Variants in ALDH1A2 observed in about 807,000 individuals in gnomAD.
The protein encoded by ALDH1A2 is aldehyde dehydrogenase 1 family member A2.
A neutral mutation model predicts 60.3 loss-of-function variants in ALDH1A2; 27 were observed. The ratio of observed to expected loss-of-function variants is 0.45; its 90% CI spans 0.33 to 0.62. The LOEUF is 0.62. ALDH1A2 is among the 20% of genes least tolerant of loss of function. The probability of loss-of-function intolerance (pLI) is 0.02; values close to 1 mark genes in which losing one functional copy is unlikely to be tolerated. For missense variants in ALDH1A2, 581 were observed against 643.8 expected (o/e 0.90, Z 1.06); for synonymous variants, 289 against 232.4 (o/e 1.24, Z -2.21).
intron 1 of ALDH1A2, among the ~76,000 whole-genome samples, chr15:58,022,662 T>C (rs915250828): frequency 6.6e-6 from 1 of 152,184 alleles, no homozygotes; most frequent in South Asian, 2.1e-4. Flanking sequence ...CTGGCCTACC[T>C]GGCATCCCAG....
intron 7 of ALDH1A2, among the ~76,000 whole-genome samples, chr15:57,982,131 T>C (rs1043142511): frequency 4.6e-5 from 7 of 152,056 alleles, no homozygotes; most frequent in Non-Finnish European, 5.9e-5. Flanking sequence ...CTCAACACTA[T>C]TGCATTGTAG....
At chr15:57,964,332 C>A in intron 8 of ALDH1A2, 1 of 465,214 alleles carries the variant, frequency 2.1e-6, no homozygotes, top group Non-Finnish European at 3.9e-6. Context: ...AGTCTCAAAC[C>A]CCTATATACC....
rs529347185 is a variant in ALDH1A2 at position 57,980,272 on chromosome 15, A to G, written c.798+12433T>C. ...TAGTCTTGACCTTCCCTGCTAGGGCAAAAAGAGACACCTGCATGTGCCTCA... is the reference window on the plus strand; with the variant it reads ...TAGTCTTGACCTTCCCTGCTAGGGCGAAAAGAGACACCTGCATGTGCCTCA... On this transcript the variant is annotated intron_variant, in intron 7 of 12. Transcript: ENST00000249750. 249 of 373,770 alleles carry G rather than the reference A, an allele frequency of 6.7e-4. 1 individual carries two copies. The highest frequency in any genetic ancestry group is 1.1e-3 in the Non-Finnish European group (198 of 184,566). The allele number at this position is 373,770 out of a possible 1,614,324, so 23.2% of individuals were successfully genotyped here.
chr15:58,049,641 G>T (rs74018833), intron 1 of ALDH1A2, among the ~76,000 whole-genome samples: 370 of 151,896 alleles, frequency 2.4e-3, no homozygotes, highest in African/African-American at 8.5e-3. Context: ...GATGGTGAAG[G>T]CCATCCAACA....
intron 11 of ALDH1A2, 123 bp downstream of exon 11, chr15:57,961,014 C>T: frequency 3.6e-6 from 5 of 1,388,554 alleles, no homozygotes; most frequent in Non-Finnish European, 5.0e-6. Flanking sequence ...AGGAGTGTAC[C>T]CCTTTTCTGG....
intron 1 of ALDH1A2, among the ~76,000 whole-genome samples, chr15:58,037,679 G>C (rs570481858): frequency 1.3e-5 from 2 of 151,582 alleles, no homozygotes; most frequent in African/African-American, 4.8e-5. Flanking sequence ...TCTGCATTTA[G>C]CTAGTATCCC....
intron 4 of ALDH1A2, among the ~76,000 whole-genome samples, chr15:57,998,321 G>C (rs1895136310): frequency 6.6e-6 from 1 of 151,928 alleles, no homozygotes; most frequent in Non-Finnish European, 1.5e-5. Flanking sequence ...CAGCACAAAA[G>C]CTTCTTAAGC....
chr15:58,052,247 C>G (rs1229235773), intron 1 of ALDH1A2, among the ~76,000 whole-genome samples: 1 of 152,016 alleles, frequency 6.6e-6, no homozygotes, highest in African/African-American at 2.4e-5. Flanking sequence ...CTAAAAAGAC[C>G]ACAACTAAAT....
chr15:57,984,621 T>G (rs1435736569), intron 7 of ALDH1A2, among the ~76,000 whole-genome samples: 2 of 152,242 alleles, frequency 1.3e-5, no homozygotes, highest in Non-Finnish European at 2.9e-5. Flanking sequence ...GATACAGTCT[T>G]TTGTAACTGG....
intron 4 of ALDH1A2, among the ~76,000 whole-genome samples, chr15:57,996,815 GT>G (rs1267786130): frequency 6.6e-6 from 1 of 151,866 alleles, no homozygotes; most frequent in Non-Finnish European, 1.5e-5. Context: ...TAACACTGAG[GT>G]TTTTCCAACA....
intron 1 of ALDH1A2, among the ~76,000 whole-genome samples, chr15:58,045,458 G>T (rs555790115): frequency 2.0e-5 from 3 of 152,098 alleles, no homozygotes; most frequent in East Asian, 3.9e-4. Context: ...TGTTTATTGC[G>T]GCACTATTCA....
chr15:57,975,254 T>C (rs1254036349), intron 7 of ALDH1A2, among the ~76,000 whole-genome samples: 4 of 152,226 alleles, frequency 2.6e-5, no homozygotes, highest in Admixed American at 2.6e-4. Flanking sequence ...TACATGAATG[T>C]TCATAGAAGC....
At chr15:58,012,214 G>A (rs1247141317) in intron 3 of ALDH1A2, 1 of 152,058 alleles carries the variant, frequency 6.6e-6, no homozygotes, top group Non-Finnish European at 1.5e-5. Context: ...AAATATAACT[G>A]GAGAAATTAA....
chr15:57,984,842 T>C (rs939597559), intron 7 of ALDH1A2, among the ~76,000 whole-genome samples: 1 of 152,238 alleles, frequency 6.6e-6, no homozygotes, highest in Admixed American at 6.5e-5. Context: ...TGTTTCTGTG[T>C]GGTATTAGAT....
chr15:57,994,593 A>T (rs1265189434), intron 5 of ALDH1A2, among the ~76,000 whole-genome samples: 2 of 152,302 alleles, frequency 1.3e-5, no homozygotes, highest in East Asian at 3.9e-4. Flanking sequence ...ACAGCTCGGC[A>T]TGGTTTCAAT....
At chr15:58,036,978 C>T (rs1426212039) in intron 1 of ALDH1A2, among the ~76,000 whole-genome samples, 2 of 151,696 alleles carry the variant, frequency 1.3e-5, no homozygotes, top group Non-Finnish European at 3.0e-5. Context: ...CCTTCTTTAA[C>T]TTTAGCTCCT....
At position 57,962,028 on chromosome 15, in the gene ALDH1A2, C is replaced by T. The variant is rs200804968; in HGVS notation, c.1235G>A (p.Arg412Gln). The T allele has an allele frequency of 1.1e-4, 177 of 1,614,108 alleles. No individual in the cohort carries two copies. The Admixed American group carries it at 1.9e-3, about 17-fold the overall frequency. Reference protein sequence around the residue: ...TVFSNVTDDMRIAKEEIFGPV... With the variant: ...TVFSNVTDDMQIAKEEIFGPV... ...ATTTGATACCTCCTCCTTGGCAATC[C>T]GCATATCATCAGTGACGTTGGAAAA... The change falls in exon 10 of 13, where the codon CGG becomes CAG. Residue 412 changes from arginine (R) to glutamine (Q), a missense_variant. Around this residue, in one of 2 missense-constraint regions of ALDH1A2, gnomAD observed 375 missense variants for 469.7 expected, o/e 0.80. Transcript: ENST00000249750.
At chr15:57,988,138 A>G (rs761865784) in intron 7 of ALDH1A2, among the ~76,000 whole-genome samples, 1 of 152,190 alleles carries the variant, frequency 6.6e-6, no homozygotes, top group Non-Finnish European at 1.5e-5. Context: ...AACAGCAGCA[A>G]TGTATTGTGG....
intron 1 of ALDH1A2, among the ~76,000 whole-genome samples, chr15:58,029,820 C>G (rs1180355528): frequency 2.6e-5 from 4 of 152,134 alleles, no homozygotes; most frequent in Non-Finnish European, 5.9e-5. Flanking sequence ...CACATACACC[C>G]TCCCAAGAAT....
Sources: gnomAD v4.1 joint callset for allele counts (sites outside exome capture counted in the v4.1 genomes callset) on GRCh38, gnomAD v4.1.1 for gene constraint, gnomAD v4.1.1 regional missense constraint, MANE v1.5 for transcripts, NCBI Gene and HGNC (gene_info 2026-07-23, HGNC 2026-07-21) for gene names.